CNTN5: variants seen among roughly 807,000 people sequenced by gnomAD.
CNTN5 encodes contactin-5.
A neutral mutation model predicts 129.1 loss-of-function variants in CNTN5; 77 were observed. The observed-to-expected ratio is 0.60, with a 90% confidence interval of 0.50 to 0.72. The LOEUF is 0.72. Ranked by LOEUF, CNTN5 falls within the 30% of genes least tolerant of loss-of-function variation. The pLI, the probability that CNTN5 is intolerant of heterozygous loss-of-function variation, is 0.00. For synonymous variants in CNTN5, 509 were observed against 465.6 expected, an observed-to-expected ratio of 1.09 and a Z score of -1.20; for missense variants, 1,478 against 1,328.8, an observed-to-expected ratio of 1.11 and a Z score of -1.75.
Position 99,889,330 on chromosome 11 carries a change from G to T in CNTN5, c.578-26724G>T, listed in dbSNP as rs7131617. ...TGTGTGTGTGTGTGTGTGTGTGTGT[G>T]TGTGTGTGTGTGTGTGTGTGTGTGT... On this transcript the variant is annotated intron_variant, in intron 6 of 24. Coordinates refer to ENST00000524871, the MANE Select transcript of CNTN5 (RefSeq NM_014361.4). 2.6e-3 allele frequency among the ~76,000 whole-genome samples: 99 copies of T among 38,446 alleles called. 1 individual carries two copies. Among genetic ancestry groups the T allele is most frequent in the African/African-American group, 8.3e-3 (97 of 11,618 alleles). 25.2% of individuals were successfully genotyped at this position (38,446 alleles called of 152,430 possible).
chr11:99,442,908 A>T (rs1369358240), intron 2 of CNTN5, among the ~76,000 whole-genome samples: 3 of 152,240 alleles, frequency 2.0e-5, no homozygotes, highest in Non-Finnish European at 2.9e-5. Flanking sequence ...AAGCGGATCC[A>T]TGTGGATGGC....
chr11:99,945,813 G>T (rs573387465), intron 7 of CNTN5, among the ~76,000 whole-genome samples: 1 of 152,106 alleles, frequency 6.6e-6, no homozygotes, highest in East Asian at 1.9e-4. Flanking sequence ...CTGTGTCTCA[G>T]TTCTTCCCCA....
chr11:99,065,886 A>G (rs924638044), intron 1 of CNTN5, among the ~76,000 whole-genome samples: 1 of 152,178 alleles, frequency 6.6e-6, no homozygotes, highest in South Asian at 2.1e-4. Context: ...TTTTGATTTC[A>G]TAGTTTTAAC....
chr11:99,587,956 A>G (rs1273816635), intron 3 of CNTN5, among the ~76,000 whole-genome samples: 1 of 152,224 alleles, frequency 6.6e-6, no homozygotes, highest in African/African-American at 2.4e-5. Flanking sequence ...GAGGAACAGC[A>G]TAACAAGAGA....
intron 18 of CNTN5, among the ~76,000 whole-genome samples, chr11:100,294,225 TTTAG>T (rs1433757749): frequency 1.3e-5 from 2 of 151,770 alleles, no homozygotes; most frequent in African/African-American, 2.4e-5. Flanking sequence ...TACATTTTAT[TTTAG>T]TTAAACGCTA....
intron 10 of CNTN5, among the ~76,000 whole-genome samples, chr11:100,068,202 T>C (rs951175575): frequency 6.6e-6 from 1 of 152,142 alleles, no homozygotes; most frequent in Non-Finnish European, 1.5e-5. Context: ...ATGATCTCAC[T>C]GTCTAGCTGA....
At chr11:100,350,169 G>A (rs1169462647) in intron 23 of CNTN5, among the ~76,000 whole-genome samples, 1 of 151,652 alleles carries the variant, frequency 6.6e-6, no homozygotes, top group African/African-American at 2.4e-5. Flanking sequence ...ATTTATTATT[G>A]GTATGTTTAA....
At chr11:99,520,806 A>C (rs185427727) in intron 2 of CNTN5, among the ~76,000 whole-genome samples, 1 of 152,188 alleles carries the variant, frequency 6.6e-6, no homozygotes, top group South Asian at 2.1e-4. Context: ...TGTATGTACA[A>C]CATCATAAAA....
chr11:99,675,018 T>TTTG (rs1953212803), intron 3 of CNTN5, among the ~76,000 whole-genome samples: 4 of 139,940 alleles, frequency 2.9e-5, no homozygotes, highest in South Asian at 4.8e-4. Context: ...TTTCTGGTTT[T>TTTG]GTTTTGTTTT....
chr11:100,113,235 GAA>G (rs1945712919), intron 13 of CNTN5, among the ~76,000 whole-genome samples: 2 of 151,440 alleles, frequency 1.3e-5, no homozygotes, highest in South Asian at 4.2e-4. Flanking sequence ...CAGTTTTACT[GAA>G]ATTACTTTAC....
At chr11:99,234,350 G>A (rs911372043) in intron 1 of CNTN5, among the ~76,000 whole-genome samples, 9 of 152,094 alleles carry the variant, frequency 5.9e-5, no homozygotes, top group Non-Finnish European at 1.5e-5. Flanking sequence ...GAAGACAGAA[G>A]GAGGGCCAAA....
rs113005989 is a variant in CNTN5, at chr11:99,474,968, T to C, written c.-70-81177T>C. Among the ~76,000 whole-genome samples the C allele has an allele frequency of 9.8e-3, 1,491 of 152,282 alleles. 24 individuals are homozygous for C. The highest frequency in any genetic ancestry group is 0.033 in the African/African-American group (1,392 of 41,564). On this transcript the variant is annotated intron_variant, in intron 2 of 24. Coordinates refer to ENST00000524871, the MANE Select transcript of CNTN5 (RefSeq NM_014361.4). The stretch of plus-strand genomic sequence containing the variant: ...TCACGTTGAAATGTAACTGTCATTG[T>C]AACAGTTTTAAGAGGTGGGTCTTAT...
intron 3 of CNTN5, among the ~76,000 whole-genome samples, chr11:99,760,048 G>A (rs1267017424): frequency 6.6e-6 from 1 of 152,064 alleles, no homozygotes; most frequent in Non-Finnish European, 1.5e-5. Context: ...TCTAGATATT[G>A]CACACGAACC....
chr11:99,157,250 T>A (rs1860381041), intron 1 of CNTN5, among the ~76,000 whole-genome samples: 2 of 152,052 alleles, frequency 1.3e-5, no homozygotes, highest in Non-Finnish European at 2.9e-5. Context: ...AATATGTATT[T>A]TGATTTTTAA....
intron 2 of CNTN5, among the ~76,000 whole-genome samples, chr11:99,373,812 A>G (rs1481532800): frequency 6.6e-6 from 1 of 151,946 alleles, no homozygotes; most frequent in East Asian, 1.9e-4. Context: ...TATTTCATTA[A>G]TATGTCCATA....
rs544374818 is a variant in CNTN5, at chr11:100,040,679, G to T, written c.981-20533G>T. 2.5e-3 allele frequency among the ~76,000 whole-genome samples: 375 copies of T among 152,180 alleles called. 2 individuals are homozygous for T. The highest frequency in any genetic ancestry group is 4.2e-3 in the Non-Finnish European group (283 of 67,994). On this transcript the variant is annotated intron_variant, in intron 9 of 24. Coordinates refer to ENST00000524871, the MANE Select transcript of CNTN5 (RefSeq NM_014361.4). ...CAAACAACTAACTCATCAATGGTGG[G>T]CGCCCCTCCCCCAGCCTCACTGCCG... is the stretch of plus-strand genomic sequence containing the variant.
At chr11:99,179,000 A>G (rs962931487) in intron 1 of CNTN5, among the ~76,000 whole-genome samples, 4 of 152,230 alleles carry the variant, frequency 2.6e-5, no homozygotes, top group African/African-American at 9.6e-5. Flanking sequence ...ATATACACAC[A>G]TAATATATAC....
chr11:100,060,066 G>A (rs370429538), intron 9 of CNTN5, among the ~76,000 whole-genome samples: 2 of 151,862 alleles, frequency 1.3e-5, no homozygotes, highest in African/African-American at 2.4e-5. Flanking sequence ...AAAATGAGCC[G>A]GGCATGGTGG....
rs113967584 is a variant in CNTN5, at chr11:99,818,449, G to T, written c.56-1095G>T. Among the ~76,000 whole-genome samples the T allele has an allele frequency of 1.5e-3, 225 of 152,192 alleles. 1 individual carries two copies. The highest frequency in any genetic ancestry group is 5.1e-3 in the African/African-American group (211 of 41,528). On this transcript the variant is annotated intron_variant, in intron 3 of 24. Transcript: ENST00000524871. ...TTTTTGTACTTTTTGTGTAGATGGG[G>T]TCTCACTTTATTGCTTTTGCTGGTT... is the stretch of plus-strand genomic sequence containing the variant.
Sources: allele counts gnomAD v4.1 joint callset (sites outside exome capture counted in the v4.1 genomes callset), GRCh38; gene constraint gnomAD v4.1.1; transcripts MANE v1.5; gene names NCBI Gene and HGNC (gene_info 2026-07-23, HGNC 2026-07-21).